The following LMNTD2 variants were observed in gnomAD, a reference collection of about 807,000 sequenced individuals.
LMNTD2 encodes lamin tail domain-containing protein 2.
Under a neutral mutation model 70.1 loss-of-function variants are expected in LMNTD2, and 83 were observed. The ratio of observed to expected loss-of-function variants is 1.18; its 90% CI spans 0.99 to 1.42. LMNTD2 has a LOEUF of 1.42. Ranked by LOEUF, LMNTD2 falls within the 40% of genes most tolerant of loss-of-function variation. LMNTD2 has a pLI of 0.00. For synonymous variants in LMNTD2, 534 were observed against 406.1 expected, an observed-to-expected ratio of 1.31 and a Z score of -3.79; for missense variants, 1,153 against 905.9, an observed-to-expected ratio of 1.27 and a Z score of -3.50.
chr11:559,379 G>A, intron 1 of LMNTD2: 1 of 1,327,250 alleles, frequency 7.5e-7, no homozygotes, highest in South Asian at 1.2e-5. Context: ...GCCTGGGAGG[G>A]AAGGGCTGTA....
Position 560,683 on chromosome 11 carries a change from C to A in LMNTD2, c.34G>T (p.Glu12Ter). 1 of 1,439,858 alleles carries A rather than the reference C, an allele frequency of 6.9e-7. No homozygotes were observed. The highest frequency in any genetic ancestry group is 9.2e-7 in the Non-Finnish European group (1 of 1,087,562). 89.2% of individuals were successfully genotyped at this position (1,439,858 alleles called of 1,614,324 possible). A position where few individuals can be genotyped will look rare whatever the true frequency, so the allele number is the denominator to read the frequency against. ...CCCAGGAGCGGGGCCAGACACCTAC[C>A]CCGACGCCTGCCCGCGGGCCGCAGC... Reference protein sequence around the residue: ...RWLRPAGRRREQESVSGHLGP... With the variant: ...RWLRPAGRRR The change falls in exon 1 of 14, where the codon GAG (glutamate) becomes TAG (stop). Residue 12 changes from glutamate (E) to a stop codon, truncating the protein, a stop_gained and splice_region_variant. Coordinates refer to ENST00000329451, the MANE Select transcript of LMNTD2 (RefSeq NM_173573.3). LOFTEE classifies it high-confidence loss of function.
chr11:557,237 C>A, intron 7 of LMNTD2, 140 bp from the exon 8 acceptor site: 1 of 1,389,048 alleles, frequency 7.2e-7, no homozygotes. Flanking sequence ...ACAGTGATGG[C>A]TGCCTCAACC....
intron 7 of LMNTD2, 144 bp downstream of exon 7, chr11:557,255 A>G: frequency 1.5e-6 from 2 of 1,359,616 alleles, no homozygotes; most frequent in Non-Finnish European, 2.0e-6. Context: ...ACCCCAACGC[A>G]TTCTACAGAT....
Position 558,720 on chromosome 11 carries a change from T to C in LMNTD2, c.205A>G (p.Arg69Gly). The C allele has an allele frequency of 6.2e-7, 1 of 1,607,526 alleles. No individual in the cohort carries two copies. Among genetic ancestry groups the C allele is most frequent in the Non-Finnish European group, 8.5e-7 (1 of 1,177,892 alleles). Residue 69 changes from arginine to glycine, a missense_variant, in exon 3 of 14, where the codon AGA (arginine) becomes GGA (glycine). Physicochemically the swap from Arg to Gly is moderately radical, Grantham distance 125. Transcript: ENST00000329451. Reference sequence around the variant, plus strand: ...GCCTGGATCTCCAGTTCTCGCTGTCTCCACAGCAGCCGCAGTGTGCGAGGG... The same window carrying C: ...GCCTGGATCTCCAGTTCTCGCTGTCCCCACAGCAGCCGCAGTGTGCGAGGG... ...LDPRTLRLLW[R>G]QRELEIQALR... is the part of the protein sequence containing the mutation.
rs1853112143 is a variant in LMNTD2, at chr11:559,143, C to T, written c.35-164G>A. ...GGAGCAGCCCAGGCGTCACCACTTA[C>T]TCACAGAGCGTTGCTCTCTGAAGGG... On this transcript the variant is annotated intron_variant, in intron 1 of 13. Coordinates refer to ENST00000329451, the MANE Select transcript of LMNTD2 (RefSeq NM_173573.3). 11 of 1,466,012 alleles carry T rather than the reference C, an allele frequency of 7.5e-6. No homozygotes were observed. In the South Asian group the frequency reaches 9.5e-5, roughly 13 times the overall value. The allele number at this position is 1,466,012 out of a possible 1,614,324, so 90.8% of individuals were successfully genotyped here. A position where few individuals can be genotyped will look rare whatever the true frequency, so the allele number is the denominator to read the frequency against.
In LMNTD2 at chr11:554,861, G is replaced by C; in HGVS notation, c.*119C>G. 2 of 712,152 alleles carry C rather than the reference G, an allele frequency of 2.8e-6. No individual in the cohort carries two copies. The highest frequency in any genetic ancestry group is 4.3e-6 in the Non-Finnish European group (2 of 465,520). The allele number at this position is 712,152 out of a possible 1,614,324, so 44.1% of individuals were successfully genotyped here. On this transcript the variant is annotated 3_prime_UTR_variant, in exon 14 of 14. Coordinates refer to ENST00000329451, the MANE Select transcript of LMNTD2 (RefSeq NM_173573.3). ...AACATTTCCAGCTCTCAGGTGTACAGAAATGCGGTTTACTTTGTAGGCCAC... is the reference window on the plus strand; with the variant it reads ...AACATTTCCAGCTCTCAGGTGTACACAAATGCGGTTTACTTTGTAGGCCAC...
At chr11:557,158 C>A (rs1368568138) in intron 7 of LMNTD2, 61 bp from the exon 8 acceptor site, 2 of 1,505,768 alleles carry the variant, frequency 1.3e-6, no homozygotes, top group East Asian at 2.4e-5. Flanking sequence ...TGCCCCCGTC[C>A]AGCCTCACAA....
intron 13 of LMNTD2, 90 bp downstream of exon 13, chr11:555,215 A>AGGGG: frequency 3.4e-6 from 2 of 584,884 alleles, no homozygotes; most frequent in Middle Eastern, 4.9e-4. Flanking sequence ...AGGGGAGGGG[A>AGGGG]CGAGGAGACA....
At chr11:556,804 G>GGGT (rs1564816076) in intron 8 of LMNTD2, 31 bp downstream of exon 8, 2 of 1,521,054 alleles carry the variant, frequency 1.3e-6, no homozygotes, top group Non-Finnish European at 1.8e-6. Flanking sequence ...GGTGGGTGAA[G>GGGT]GGTAACCAGG....
chr11:557,485 G>C lies in LMNTD2; in HGVS notation c.627C>G (p.Gly209=). ...TCCAATCCACGTCCTCCAGCCGAAA[G>C]CCCTGGCCAGGAAGCAAGAGGCACA... The part of the protein sequence containing the change: ...SENIQAPTGE[G]FRLEDVDWNS... Residue 209 remains glycine (G), a splice_region_variant and synonymous_variant, in exon 7 of 14, where the codon GGC becomes GGG. Coordinates refer to ENST00000329451, the MANE Select transcript of LMNTD2 (RefSeq NM_173573.3). 1 of 1,612,662 alleles carries C rather than the reference G, an allele frequency of 6.2e-7. No homozygotes were observed. The highest frequency in any genetic ancestry group is 8.5e-7 in the Non-Finnish European group (1 of 1,179,486).
At position 556,932 on chromosome 11, in the gene LMNTD2, A is replaced by G; in HGVS notation, c.879T>C (p.Pro293=). 6.2e-7 allele frequency: 1 copy of G among 1,600,466 alleles called. No individual in the cohort carries two copies. Among genetic ancestry groups the G allele is most frequent in the South Asian group, 1.1e-5 (1 of 90,076 alleles). ...SDSSSCRPGL[P]SFVQVIGHPP... ...GGTGCCCTATCACCTGCACGAAGGA[A>G]GGCAGGCCCGGCCGGCAGCTGCTGG... Residue 293 remains proline, a synonymous_variant, in exon 8 of 14, where the codon CCT becomes CCC. Coordinates refer to ENST00000329451, the MANE Select transcript of LMNTD2 (RefSeq NM_173573.3).
rs1333491829 is a variant in LMNTD2, at chr11:555,013, C to A, written c.1872G>T (p.Leu624=). ...SRFGFRFLSC[L]PVTADTCRGA Reference sequence around the variant, plus strand: ...CGCGGCAGGTGTCCGCGGTGACCGGCAGGCAGCTGAGGAAGCGGAAGCCGA... The same window carrying A: ...CGCGGCAGGTGTCCGCGGTGACCGGAAGGCAGCTGAGGAAGCGGAAGCCGA... The change falls in exon 14 of 14, where the codon CTG becomes CTT. Residue 624 remains leucine, a synonymous_variant. Transcript: ENST00000329451. The A allele has an allele frequency of 1.9e-6, 3 of 1,592,018 alleles. No homozygotes were observed.
intron 13 of LMNTD2, 46 bp from the exon 14 acceptor site, chr11:555,157 G>A (rs1353691488): frequency 1.4e-5 from 7 of 487,444 alleles, no homozygotes; most frequent in South Asian, 5.8e-5. Flanking sequence ...GGGCGGGGAC[G>A]GGAGGGGAGG....
At chr11:556,812 A>T (rs1214166405) in intron 8 of LMNTD2, 23 bp downstream of exon 8, 1 of 1,534,284 alleles carries the variant, frequency 6.5e-7, no homozygotes. Context: ...AAGGGTAACC[A>T]GGGGAGACCC....
At chr11:558,303 T>C (rs1319831763) in intron 3 of LMNTD2, 55 bp from the exon 4 acceptor site, 2 of 1,574,278 alleles carry the variant, frequency 1.3e-6, no homozygotes, top group East Asian at 2.2e-5. Context: ...GGGTTCCTAA[T>C]GTCAGGTCAG....
At position 556,499 on chromosome 11, in the gene LMNTD2, G is replaced by C. The variant is rs1366252137; in HGVS notation, c.1066C>G (p.Leu356Val). ...GGGTCACTCGCCCCTTACCTCTGCA[G>C]GAGTTCCGGGCTCCAGTGGTCCGGG... ...TDPDHWSPEL[L>V]QSPTGLKIVA... Residue 356 changes from leucine (L) to valine (V), a missense_variant, in exon 9 of 14, where the codon CTG (leucine) becomes GTG (valine). Leu to Val is a conservative substitution (Grantham distance 32). Coordinates refer to ENST00000329451, the MANE Select transcript of LMNTD2 (RefSeq NM_173573.3). 1 of 1,551,884 alleles carries C rather than the reference G, an allele frequency of 6.4e-7. No individual in the cohort carries two copies. Among genetic ancestry groups the C allele is most frequent in the Non-Finnish European group, 8.7e-7 (1 of 1,147,694 alleles).
intron 3 of LMNTD2, 171 bp downstream of exon 3, chr11:558,443 G>C: frequency 9.3e-7 from 1 of 1,070,200 alleles, no homozygotes; most frequent in Non-Finnish European, 1.3e-6. Context: ...ACATGCGCAG[G>C]GTTAGGGTGG....
In LMNTD2 at chr11:555,906, G is replaced by A. The variant is rs1852830681; in HGVS notation, c.1402C>T (p.Arg468Cys). 2 of 1,566,030 alleles carry A rather than the reference G, an allele frequency of 1.3e-6. No homozygotes were observed. The highest frequency in any genetic ancestry group is 1.2e-5 in the South Asian group (1 of 86,668). ...GEVLSEHRIPRRETPAPRVFA... is the reference protein window; with the variant it reads ...GEVLSEHRIPCRETPAPRVFA... ...ACCCTCGGGGCCGGAGTCTCGCGGC[G>A]TGGGATCCGGTGCTCACTGAGGACC... The change falls in exon 12 of 14, where the codon CGC (arginine) becomes TGC (cysteine). Residue 468 changes from arginine (R) to cysteine (C), a missense_variant. By Grantham distance (180) the Arg-to-Cys change is radical. Coordinates refer to ENST00000329451, the MANE Select transcript of LMNTD2 (RefSeq NM_173573.3).
At chr11:555,645 T>G (rs75142770) in intron 12 of LMNTD2, 89 bp downstream of exon 12, 267,567 of 1,271,212 alleles carry the variant, frequency 0.21, 29,432 homozygotes, top group Admixed American at 0.27. Context: ...GAAGTAGGGG[T>G]CCGTCCTAGC....
Sources: allele counts gnomAD v4.1 joint callset, GRCh38; gene constraint gnomAD v4.1.1; transcripts MANE v1.5; gene names NCBI Gene and HGNC (gene_info 2026-07-23, HGNC 2026-07-21).